Variants in PCDHGA12 observed in about 807,000 individuals in gnomAD.
The protein encoded by PCDHGA12 is protocadherin gamma subfamily A, 12.
PCDHGA12 carries 43 observed loss-of-function variants against 61.1 expected under a neutral mutation model. The ratio of observed to expected loss-of-function variants is 0.70; its 90% CI spans 0.55 to 0.91. The LOEUF is 0.91. Ranked by LOEUF, PCDHGA12 falls within the 40% of genes least tolerant of loss-of-function variation. The pLI is 0.00. For synonymous variants in PCDHGA12, 520 were observed against 542.9 expected, an observed-to-expected ratio of 0.96 and a Z score of 0.59; for missense variants, 1,236 against 1,227.7, an observed-to-expected ratio of 1.01 and a Z score of -0.10.
At chr5:141,450,727 T>G (rs1592137328) in intron 1 of PCDHGA12, among the ~76,000 whole-genome samples, 1 of 152,080 alleles carries the variant, frequency 6.6e-6, no homozygotes, top group Non-Finnish European at 1.5e-5. Flanking sequence ...CCTCAGGTGA[T>G]CCGCCCGCCT....
At chr5:141,450,832 T>TTA (rs764784095) in intron 1 of PCDHGA12, among the ~76,000 whole-genome samples, 6,304 of 142,274 alleles carry the variant, frequency 0.044, 222 homozygotes, top group African/African-American at 0.11. Context: ...TATTATTATT[T>TTA]TTTTTTTTTT....
At chr5:141,478,016 G>A (rs1204231648) in intron 1 of PCDHGA12, 1 of 1,614,108 alleles carries the variant, frequency 6.2e-7, no homozygotes, top group Non-Finnish European at 8.5e-7. Context: ...TGCCCGTCCA[G>A]TCCAAGACAC....
chr5:141,500,176 A>ATTTT (rs1468241826), intron 2 of PCDHGA12, among the ~76,000 whole-genome samples: 91 of 145,916 alleles, frequency 6.2e-4, no homozygotes, highest in African/African-American at 2.3e-3. Context: ...CATGAGCTTC[A>ATTTT]TTTTTATTTT....
chr5:141,511,233 TACCTGC>T lies in PCDHGA12; in HGVS notation c.*64_*69del. 4 of 1,595,428 alleles carry T rather than the reference TACCTGC, an allele frequency of 2.5e-6. No individual in the cohort carries two copies. The highest frequency in any genetic ancestry group is 3.4e-6 in the Non-Finnish European group (4 of 1,170,894). ...CTCCCCAACCAGCCCAGCTTCTCCT[TACCTGC>T]ACCCAGGCCTCAGAGTTTCAGGGCT... On this transcript the variant is annotated 3_prime_UTR_variant, in exon 4 of 4. Transcript: ENST00000252085.
chr5:141,478,381 C>T (rs931860600), intron 1 of PCDHGA12: 22 of 1,613,664 alleles, frequency 1.4e-5, no homozygotes, highest in Non-Finnish European at 1.8e-5. Flanking sequence ...TGTCGCCGCA[C>T]CTTTACCATC....
intron 1 of PCDHGA12, among the ~76,000 whole-genome samples, chr5:141,461,119 C>T (rs959427669): frequency 6.6e-6 from 1 of 152,016 alleles, no homozygotes; most frequent in Admixed American, 6.6e-5. Flanking sequence ...GTGTCTTTTT[C>T]ATATAATTAC....
intron 1 of PCDHGA12, among the ~76,000 whole-genome samples, chr5:141,480,098 T>C (rs1415853757): frequency 6.6e-6 from 1 of 152,168 alleles, no homozygotes. Context: ...GTATGCAAAG[T>C]GTTTAGCATG....
rs770093591 is a variant in PCDHGA12 at position 141,486,147 on chromosome 5, G to T, written c.2425-8660G>T. ...GAATTTGATGTGCGGGCTCGCGATG[G>T]GGGTTCTCCAGCCATGGAGCAACAT... On this transcript the variant is annotated intron_variant, in intron 1 of 3. Transcript: ENST00000252085. This position sits in a 1 kb window ranked among gnomAD's most constrained non-coding sequence, Gnocchi z 5.0. The T allele has an allele frequency of 6.2e-7, 1 of 1,614,168 alleles. No individual in the cohort carries two copies. The highest frequency in any genetic ancestry group is 1.7e-5 in the Admixed American group (1 of 60,028).
intron 1 of PCDHGA12, among the ~76,000 whole-genome samples, chr5:141,446,381 T>C (rs1225260527): frequency 1.3e-5 from 2 of 152,248 alleles, no homozygotes; most frequent in Non-Finnish European, 2.9e-5. Flanking sequence ...TAAAGAATGA[T>C]AGATTTAAGA....
chr5:141,502,331 G>C lies in PCDHGA12; in HGVS notation c.2484-3062G>C, dbSNP rs555959890. ...TCCTTTAATCTGGAGCCAGCTCCCA[G>C]TCTTTTTATTTTTTTAATGACATGG... On this transcript the variant is annotated intron_variant, in intron 2 of 3. Transcript: ENST00000252085. Among the ~76,000 whole-genome samples, 42 of 152,102 alleles carry C rather than the reference G, an allele frequency of 2.8e-4. No individual in the cohort carries two copies. The South Asian group carries it at 6.2e-3, about 23-fold the overall frequency.
intron 1 of PCDHGA12, among the ~76,000 whole-genome samples, chr5:141,465,300 G>A (rs904996219): frequency 1.3e-5 from 2 of 152,112 alleles, no homozygotes; most frequent in Non-Finnish European, 2.9e-5. Flanking sequence ...TGAGAGTCCT[G>A]GGAATTTAGC....
chr5:141,511,342 C>T lies in PCDHGA12; in HGVS notation c.*169C>T. On this transcript the variant is annotated 3_prime_UTR_variant, in exon 4 of 4. Transcript: ENST00000252085. The stretch of plus-strand genomic sequence containing the variant: ...AACAAGTGCCCAGTCAGCACCTACC[C>T]CTTCCCCCCCAGGGGGTTGAATATG... The T allele has an allele frequency of 7.0e-7, 1 of 1,425,078 alleles. No individual in the cohort carries two copies. Among genetic ancestry groups the T allele is most frequent in the East Asian group, 2.5e-5 (1 of 40,014 alleles). 88.3% of individuals were successfully genotyped at this position (1,425,078 alleles called of 1,614,324 possible). A position where few individuals can be genotyped will look rare whatever the true frequency, so the allele number is the denominator to read the frequency against.
At chr5:141,440,732 A>C (rs2154559008) in intron 1 of PCDHGA12, 1 of 152,346 alleles carries the variant, frequency 6.6e-6, no homozygotes, top group African/African-American at 2.4e-5. Context: ...GTGTTAGAGA[A>C]GCTGCTTGAC....
chr5:141,431,325 G>C lies in PCDHGA12; in HGVS notation c.566G>C (p.Ser189Thr), dbSNP rs772252181. Residue 189 changes from serine (S) to threonine (T), a missense_variant, in exon 1 of 4, where the codon AGT becomes ACT. By Grantham distance (58) the Ser-to-Thr change is moderately conservative. Coordinates refer to ENST00000252085, the MANE Select transcript of PCDHGA12 (RefSeq NM_003735.3). The surrounding 1 kb of genome is among the most constrained non-coding windows in gnomAD (Gnocchi z 4.8). ...SLIVQNGADG[S>T]KYPELVLKRA... Reference sequence around the variant, plus strand: ...ATCGTGCAAAATGGAGCCGACGGTAGTAAGTACCCCGAATTGGTGCTGAAA... The same window carrying C: ...ATCGTGCAAAATGGAGCCGACGGTACTAAGTACCCCGAATTGGTGCTGAAA... 4.3e-6 allele frequency: 7 copies of C among 1,614,144 alleles called. No individual in the cohort carries two copies. In the Admixed American group the frequency reaches 8.3e-5, roughly 19 times the overall value.
intron 1 of PCDHGA12, among the ~76,000 whole-genome samples, chr5:141,459,721 T>C (rs2098973915): frequency 6.6e-6 from 1 of 152,246 alleles, no homozygotes. Context: ...CAATGCTTCC[T>C]ATTGTCAATT....
At position 141,487,610 on chromosome 5, in the gene PCDHGA12, C is replaced by A; in HGVS notation, c.2425-7197C>A. On this transcript the variant is annotated intron_variant, in intron 1 of 3. Transcript: ENST00000252085. The surrounding 1 kb of genome is among the most constrained non-coding windows in gnomAD (Gnocchi z 5.0). ...CCCACCCTCTGATCTTCTCTATGGG[C>A]TAGAGGTGAGACCTTTGCAGGCTCA... The A allele has an allele frequency of 6.2e-7, 1 of 1,614,190 alleles. No homozygotes were observed. The highest frequency in any genetic ancestry group is 1.1e-5 in the South Asian group (1 of 91,078).
At chr5:141,468,560 T>G (rs571224791) in intron 1 of PCDHGA12, 1 of 152,004 alleles carries the variant, frequency 6.6e-6, no homozygotes, top group Non-Finnish European at 1.5e-5. Flanking sequence ...ATTTGTGATA[T>G]AGTAAACAAT....
Position 141,491,265 on chromosome 5 carries a change from CA to C in PCDHGA12, c.2425-3539del. ...AGGATGAGGACCCTGAGGAAATGCC[CA>C]AATCCAGTGACTTCCTCATACACCC... On this transcript the variant is annotated intron_variant, in intron 1 of 3. Coordinates refer to ENST00000252085, the MANE Select transcript of PCDHGA12 (RefSeq NM_003735.3). This position sits in a 1 kb window ranked among gnomAD's most constrained non-coding sequence, Gnocchi z 6.9. 1 of 1,614,074 alleles carries C rather than the reference CA, an allele frequency of 6.2e-7. No individual in the cohort carries two copies.
At position 141,512,116 on chromosome 5, in the gene PCDHGA12, T is replaced by TTA. The variant is rs2099884085; in HGVS notation, c.*943_*944insTA. On this transcript the variant is annotated 3_prime_UTR_variant, in exon 4 of 4. Coordinates refer to ENST00000252085, the MANE Select transcript of PCDHGA12 (RefSeq NM_003735.3). ...ACTAGGCTGGACCCTTCCCACTACA[T>TTA]AATAGGGCTCAGCCCAGGCAGCCAG... 1 of 152,600 alleles carries TTA rather than the reference T, an allele frequency of 6.6e-6. No homozygotes were observed. The highest frequency in any genetic ancestry group is 2.1e-4 in the South Asian group (1 of 4,832). 9.5% of individuals were successfully genotyped at this position (152,600 alleles called of 1,614,324 possible).
Sources: gnomAD v4.1 joint callset for allele counts (sites outside exome capture counted in the v4.1 genomes callset) on GRCh38, gnomAD v4.1.1 for gene constraint, Gnocchi (gnomAD v3.1) non-coding constraint, MANE v1.5 for transcripts, NCBI Gene and HGNC (gene_info 2026-07-23, HGNC 2026-07-21) for gene names.